Variants in GRID2 observed in about 807,000 individuals in gnomAD.
GRID2 encodes glutamate ionotropic receptor delta type subunit 2, also known as glutamate receptor ionotropic, delta-2.
In GRID2, 33 loss-of-function variants were observed where a neutral mutation model predicts 114.8. That is an observed-to-expected ratio of 0.29 (90% CI 0.22 to 0.38). The LOEUF (loss-of-function observed/expected upper bound fraction) is 0.38. GRID2 is among the 10% of genes least tolerant of loss of function. The pLI is 1.00. For synonymous variants in GRID2, 505 were observed against 449.9 expected, an observed-to-expected ratio of 1.12 and a Z score of -1.55; for missense variants, 1,184 against 1,257.7, an observed-to-expected ratio of 0.94 and a Z score of 0.89.
intron 4 of GRID2, among the ~76,000 whole-genome samples, chr4:93,115,696 A>C (rs532994241): frequency 6.6e-6 from 1 of 152,158 alleles, no homozygotes; most frequent in African/African-American, 2.4e-5. Flanking sequence ...ATCATGGTGG[A>C]AGGTGAAAGG....
At chr4:93,515,073 A>C (rs1310712893) in intron 12 of GRID2, 143 bp from the exon 13 acceptor site, 1 of 427,750 alleles carries the variant, frequency 2.3e-6, no homozygotes, top group Non-Finnish European at 4.1e-6. Context: ...ATTATATCCT[A>C]ATATCAGAAA....
At chr4:92,774,682 A>AAGTGAT (rs1738703957) in intron 2 of GRID2, among the ~76,000 whole-genome samples, 1 of 134,062 alleles carries the variant, frequency 7.5e-6, no homozygotes, top group Non-Finnish European at 1.5e-5. Flanking sequence ...TATTTTCTCC[A>AAGTGAT]CCTCCCAGTC....
At chr4:92,834,134 T>G (rs1742298538) in intron 2 of GRID2, among the ~76,000 whole-genome samples, 1 of 152,216 alleles carries the variant, frequency 6.6e-6, no homozygotes, top group Non-Finnish European at 1.5e-5. Context: ...GGATTTCCCC[T>G]GAACCTTTAT....
intron 1 of GRID2, among the ~76,000 whole-genome samples, chr4:92,430,509 A>G (rs1247439635): frequency 1.3e-5 from 2 of 152,138 alleles, no homozygotes; most frequent in African/African-American, 2.4e-5. Flanking sequence ...CAGTTACAAT[A>G]GCTCTGTAGT....
At chr4:92,348,670 A>G (rs974929758) in intron 1 of GRID2, among the ~76,000 whole-genome samples, 2 of 152,190 alleles carry the variant, frequency 1.3e-5, no homozygotes, top group African/African-American at 4.8e-5. Flanking sequence ...AATGCATTGC[A>G]AAGGATCTTT....
At chr4:93,170,771 A>G (rs940512732) in intron 4 of GRID2, among the ~76,000 whole-genome samples, 12 of 152,140 alleles carry the variant, frequency 7.9e-5, no homozygotes, top group African/African-American at 2.9e-4. Flanking sequence ...CCTATTGCGC[A>G]CATCCACTTA....
At chr4:92,503,301 T>G (rs1021785247) in intron 1 of GRID2, among the ~76,000 whole-genome samples, 6 of 152,146 alleles carry the variant, frequency 3.9e-5, no homozygotes, top group Admixed American at 6.6e-5. Context: ...TTCTGTTTTC[T>G]GATTCTTATG....
At chr4:92,703,319 G>C (rs1734773940) in intron 2 of GRID2, among the ~76,000 whole-genome samples, 1 of 151,998 alleles carries the variant, frequency 6.6e-6, no homozygotes, top group African/African-American at 2.4e-5. Context: ...TTGAAAGCAA[G>C]GTTTTGGAAA....
chr4:93,025,482 A>G (rs1723796045), intron 2 of GRID2, among the ~76,000 whole-genome samples: 1 of 151,790 alleles, frequency 6.6e-6, no homozygotes, highest in Non-Finnish European at 1.5e-5. Context: ...TTCTCACAAC[A>G]AAATCAGGTC....
intron 2 of GRID2, among the ~76,000 whole-genome samples, chr4:92,860,841 A>G (rs1443129987): frequency 6.6e-6 from 1 of 152,106 alleles, no homozygotes; most frequent in Non-Finnish European, 1.5e-5. Flanking sequence ...GTGTGAAAGC[A>G]TAAGAACATG....
At chr4:93,555,368 C>G (rs1734210937) in intron 13 of GRID2, among the ~76,000 whole-genome samples, 1 of 152,208 alleles carries the variant, frequency 6.6e-6, no homozygotes, top group Admixed American at 6.5e-5. Flanking sequence ...GCTTGAAATT[C>G]TTGCTGCCAG....
chr4:93,021,290 A>G (rs919705522), intron 2 of GRID2, among the ~76,000 whole-genome samples: 15 of 151,388 alleles, frequency 9.9e-5, no homozygotes, highest in Non-Finnish European at 1.8e-4. Flanking sequence ...TAATTTATAG[A>G]TAACTGTCTA....
chr4:92,846,164 A>G (rs918717087), intron 2 of GRID2, among the ~76,000 whole-genome samples: 2 of 152,090 alleles, frequency 1.3e-5, no homozygotes, highest in Non-Finnish European at 2.9e-5. Context: ...ATTTCTGTTT[A>G]TAATTTCACC....
chr4:92,742,388 C>G (rs982811074), intron 2 of GRID2, among the ~76,000 whole-genome samples: 3 of 152,134 alleles, frequency 2.0e-5, no homozygotes, highest in Non-Finnish European at 4.4e-5. Context: ...TCCTGCCTCT[C>G]CTGTCATCTG....
Position 92,392,607 on chromosome 4 carries a change from G to A in GRID2, c.88+87863G>A, listed in dbSNP as rs557299068. On this transcript the variant is annotated intron_variant, in intron 1 of 15. Transcript: ENST00000282020. ...GGACACATGATAACCCTTTAATACTGCATAATTCAGTATGTACCCCCTGTA... is the reference window on the plus strand; with the variant it reads ...GGACACATGATAACCCTTTAATACTACATAATTCAGTATGTACCCCCTGTA... Among the ~76,000 whole-genome samples, 14 of 152,018 alleles carry A rather than the reference G, an allele frequency of 9.2e-5. No individual in the cohort carries two copies. The East Asian group carries it at 2.7e-3, about 29-fold the overall frequency.
chr4:92,329,993 A>AAGAG (rs3076580), intron 1 of GRID2, among the ~76,000 whole-genome samples: 76,409 of 132,396 alleles, frequency 0.58, 22,712 homozygotes, highest in Non-Finnish European at 0.66. Flanking sequence ...TATGGGAGGA[A>AAGAG]AGAGAGAGAG....
intron 14 of GRID2, among the ~76,000 whole-genome samples, chr4:93,636,406 A>G (rs759491474): frequency 3.9e-5 from 6 of 151,966 alleles, no homozygotes; most frequent in Non-Finnish European, 8.8e-5. Flanking sequence ...ACAAATTTAC[A>G]CTGCACTTGA....
At chr4:93,663,119 A>T (rs1415583880) in intron 14 of GRID2, among the ~76,000 whole-genome samples, 1 of 152,126 alleles carries the variant, frequency 6.6e-6, no homozygotes, top group African/African-American at 2.4e-5. Flanking sequence ...TCTAATTCTG[A>T]GTTTTACCAT....
chr4:93,143,036 G>T (rs567789198), intron 4 of GRID2, among the ~76,000 whole-genome samples: 7 of 152,272 alleles, frequency 4.6e-5, no homozygotes, highest in Non-Finnish European at 8.8e-5. Context: ...CTGTGATTAG[G>T]AAACTCAAAT....
Sources: allele counts gnomAD v4.1 joint callset (sites outside exome capture counted in the v4.1 genomes callset), GRCh38; gene constraint gnomAD v4.1.1; transcripts MANE v1.5; gene names NCBI Gene and HGNC (gene_info 2026-07-23, HGNC 2026-07-21).